The following TGM5 variants were observed in gnomAD, a reference collection of about 807,000 sequenced individuals.
TGM5 encodes the protein transglutaminase 5.
Under a neutral mutation model 77.2 loss-of-function variants are expected in TGM5, and 69 were observed. The ratio of observed to expected loss-of-function variants is 0.89; its 90% CI spans 0.74 to 1.09. The LOEUF is 1.09. Among genes scored for constraint, TGM5 ranks in the 50% least tolerant of loss-of-function variants. The probability of loss-of-function intolerance (pLI) is 0.00; values close to 1 mark genes in which losing one functional copy is unlikely to be tolerated. For synonymous variants in TGM5, 346 were observed against 351.8 expected, an observed-to-expected ratio of 0.98 and a Z score of 0.18; for missense variants, 842 against 896.5, an observed-to-expected ratio of 0.94 and a Z score of 0.78.
At chr15:43,259,675 T>C (rs1021508212) in intron 3 of TGM5, among the ~76,000 whole-genome samples, 11 of 152,178 alleles carry the variant, frequency 7.2e-5, no homozygotes, top group Admixed American at 1.3e-4. Flanking sequence ...TTTACACTTT[T>C]CTCTTTCTTT....
At chr15:43,241,157 C>A in intron 6 of TGM5, 167 bp from the exon 7 acceptor site, 2 of 886,982 alleles carry the variant, frequency 2.3e-6, no homozygotes, top group Non-Finnish European at 1.8e-6. Flanking sequence ...TCCTTCCCCA[C>A]TTCTGGAGCT....
At position 43,256,695 on chromosome 15, in the gene TGM5, C is replaced by A. The variant is rs753585732; in HGVS notation, c.437-9G>T. The A allele has an allele frequency of 6.3e-7, 1 of 1,591,328 alleles. No individual in the cohort carries two copies. The highest frequency in any genetic ancestry group is 1.1e-5 in the South Asian group (1 of 90,646). ...CAAGTAGACAGCATCCTCTAGGAAC[C>A]AGAGTGGGAGGGCACGAAGCAGAAA... On this transcript the variant is annotated splice_polypyrimidine_tract_variant and intron_variant, in intron 3 of 12. Coordinates refer to ENST00000220420, the MANE Select transcript of TGM5 (RefSeq NM_201631.4).
rs2042777956 is a variant in TGM5 at position 43,260,525 on chromosome 15, T to C, written c.65A>G (p.His22Arg). The change falls in exon 2 of 13, where the codon CAC (histidine) becomes CGC (arginine). Residue 22 changes from histidine to arginine, a missense_variant. This residue lies in a region of TGM5 where 815 missense variants were observed against 844.6 expected (regional missense o/e 0.96). Coordinates refer to ENST00000220420, the MANE Select transcript of TGM5 (RefSeq NM_201631.4). ...GTGGTCCACAGTGATCTCCTCCGTG[T>C]GGTGCCGCACATTATTTCTGGAGCT... ...LQSSRNNVRHHTEEITVDHLL... is the reference protein window; with the variant it reads ...LQSSRNNVRHRTEEITVDHLL... 6.2e-7 allele frequency: 1 copy of C among 1,614,030 alleles called. No homozygotes were observed. The highest frequency in any genetic ancestry group is 1.3e-5 in the African/African-American group (1 of 74,904).
chr15:43,252,757 A>G lies in TGM5; in HGVS notation c.862+2T>C. 3 of 1,613,588 alleles carry G rather than the reference A, an allele frequency of 1.9e-6. No homozygotes were observed. Among genetic ancestry groups the G allele is most frequent in the Non-Finnish European group, 2.5e-6 (3 of 1,180,004 alleles). The stretch of plus-strand genomic sequence containing the variant: ...TTTTGTGGGGTCCTTTCTACCTCCT[A>G]CCTGTGCACATGACGGCAGCAAAGA... On this transcript the variant is annotated splice_donor_variant, in intron 6 of 12. Coordinates refer to ENST00000220420, the MANE Select transcript of TGM5 (RefSeq NM_201631.4). LOFTEE classifies it high-confidence loss of function.
intron 6 of TGM5, among the ~76,000 whole-genome samples, chr15:43,245,880 G>T (rs2042666354): frequency 7.0e-6 from 1 of 142,602 alleles, no homozygotes; most frequent in Non-Finnish European, 1.5e-5. Flanking sequence ...ATTTGTAAGG[G>T]TTATCTGTGT....
rs1178473361 is a variant in TGM5 at position 43,239,234 on chromosome 15, G to A, written c.1034C>T (p.Ala345Val). 6.2e-7 allele frequency: 1 copy of A among 1,614,036 alleles called. No individual in the cohort carries two copies. Among genetic ancestry groups the A allele is most frequent in the East Asian group, 2.2e-5 (1 of 44,884 alleles). ...NFHVWNECWM[A>V]RKDLPPAYGG... The stretch of plus-strand genomic sequence containing the variant: ...ATATGCAGGGGGCAGATCCTTCCGG[G>A]CCATCCAGCACTCATTCCAGACATG... Residue 345 changes from alanine to valine, a missense_variant, in exon 8 of 13, where the codon GCC (alanine) becomes GTC (valine). Ala to Val is a moderately conservative substitution (Grantham distance 64, BLOSUM62 0). Transcript: ENST00000220420.
chr15:43,260,430 G>A lies in TGM5; in HGVS notation c.160C>T (p.Leu54=). ...TCAACCACGAAGATGATGTTGTCCA[G>A]GCCTGGCTGGAAGCTCCGGTTCCTG... is the stretch of plus-strand genomic sequence containing the variant. ...YFRNRSFQPG[L]DNIIFVVETG... The change falls in exon 2 of 13, where the codon CTG becomes TTG. Residue 54 remains leucine (L), a synonymous_variant. Transcript: ENST00000220420. The A allele has an allele frequency of 1.2e-6, 2 of 1,614,218 alleles. No individual in the cohort carries two copies. Among genetic ancestry groups the A allele is most frequent in the Non-Finnish European group, 1.7e-6 (2 of 1,180,042 alleles).
chr15:43,236,357 G>C (rs1253444082), intron 9 of TGM5, among the ~76,000 whole-genome samples: 1 of 152,188 alleles, frequency 6.6e-6, no homozygotes, highest in Non-Finnish European at 1.5e-5. Context: ...GAAACTAAGG[G>C]AAAGGAGAAG....
At chr15:43,241,472 TG>T (rs2042635701) in intron 6 of TGM5, among the ~76,000 whole-genome samples, 1 of 152,298 alleles carries the variant, frequency 6.6e-6, no homozygotes, top group Middle Eastern at 3.4e-3. Flanking sequence ...TATATGATCT[TG>T]GAAGCCTCTC....
At position 43,238,922 on chromosome 15, in the gene TGM5, G is replaced by T. The variant is rs1450025032; in HGVS notation, c.1240C>A (p.Gln414Lys). 3 of 1,614,094 alleles carry T rather than the reference G, an allele frequency of 1.9e-6. No homozygotes were observed. The highest frequency in any genetic ancestry group is 2.5e-6 in the Non-Finnish European group (3 of 1,180,054). Residue 414 changes from glutamine to lysine, a missense_variant, in exon 9 of 13, where the codon CAG (glutamine) becomes AAG (lysine). By Grantham distance (53) the Gln-to-Lys change is moderately conservative (BLOSUM62 1). This residue lies in a region of TGM5 where 815 missense variants were observed against 844.6 expected (regional missense o/e 0.96). Coordinates refer to ENST00000220420, the MANE Select transcript of TGM5 (RefSeq NM_201631.4). ...GAACTCGTGTCCTGGTGAAGCTTCT[G>T]CTCCTTCCCTCCCTGGACGAGCCAG... ...MSWLVQGGKEQKLHQDTSSVG... is the reference protein window; with the variant it reads ...MSWLVQGGKEKKLHQDTSSVG...
chr15:43,244,072 C>T (rs895392250), intron 6 of TGM5, among the ~76,000 whole-genome samples: 1 of 152,226 alleles, frequency 6.6e-6, no homozygotes, highest in African/African-American at 2.4e-5. Flanking sequence ...ATCCCAGCCA[C>T]ACCTCAGTCT....
chr15:43,237,324 C>T (rs1459167617), intron 9 of TGM5, among the ~76,000 whole-genome samples: 2 of 152,156 alleles, frequency 1.3e-5, no homozygotes, highest in Non-Finnish European at 2.9e-5. Flanking sequence ...TGGGGCAGGC[C>T]AGAAGTGCTA....
Position 43,250,153 on chromosome 15 carries a change from G to A in TGM5, c.862+2606C>T, listed in dbSNP as rs117613947. On this transcript the variant is annotated intron_variant, in intron 6 of 12. Coordinates refer to ENST00000220420, the MANE Select transcript of TGM5 (RefSeq NM_201631.4). ...TACAGAGCCAGCCAGACTTGGGTAT[G>A]AGACTGGCTCCACCACTCAATTTCC... 3.7e-3 allele frequency among the ~76,000 whole-genome samples: 565 copies of A among 152,298 alleles called. 15 individuals are homozygous for A. The East Asian group carries it at 0.069, about 19-fold the overall frequency.
At chr15:43,236,567 T>C (rs746017900) in intron 9 of TGM5, among the ~76,000 whole-genome samples, 2 of 152,194 alleles carry the variant, frequency 1.3e-5, no homozygotes, top group Non-Finnish European at 2.9e-5. Flanking sequence ...TCAATGCATT[T>C]GCCACAACTT....
Position 43,240,874 on chromosome 15 carries a change from T to G in TGM5, c.979A>C (p.Asn327His). The G allele has an allele frequency of 6.2e-7, 1 of 1,614,188 alleles. No homozygotes were observed. The highest frequency in any genetic ancestry group is 8.5e-7 in the Non-Finnish European group (1 of 1,180,036). The stretch of plus-strand genomic sequence containing the variant: ...CACCAGATAGTATCCTTCTTCTTAT[T>G]CCCCAAAATCCTGCCTGTGTTGTCA... ...YYDNTGRILG[N>H]KKKDTIWNFH... Residue 327 changes from asparagine to histidine, a missense_variant, in exon 7 of 13, where the codon AAT (asparagine) becomes CAT (histidine). Physicochemically the swap from Asn to His is moderately conservative, Grantham distance 68. This residue lies in a region of TGM5 where 815 missense variants were observed against 844.6 expected (regional missense o/e 0.96). Coordinates refer to ENST00000220420, the MANE Select transcript of TGM5 (RefSeq NM_201631.4).
At chr15:43,234,557 C>T (rs1489066640) in intron 11 of TGM5, among the ~76,000 whole-genome samples, 1 of 152,204 alleles carries the variant, frequency 6.6e-6, no homozygotes, top group African/African-American at 2.4e-5. Flanking sequence ...GTCCATGGCA[C>T]CTGCTCAAGG....
chr15:43,253,702 A>G, intron 4 of TGM5, 68 bp from the exon 5 acceptor site: 1 of 1,590,020 alleles, frequency 6.3e-7, no homozygotes, highest in Non-Finnish European at 8.6e-7. Context: ...AAAAGTAATG[A>G]CTTCCCCCCA....
At chr15:43,249,410 T>C (rs926498050) in intron 6 of TGM5, among the ~76,000 whole-genome samples, 11 of 152,316 alleles carry the variant, frequency 7.2e-5, no homozygotes, top group African/African-American at 2.6e-4. Context: ...CTCATTACAT[T>C]AGCAGTCACT....
intron 6 of TGM5, among the ~76,000 whole-genome samples, chr15:43,244,728 A>G (rs1367183232): frequency 6.6e-6 from 1 of 152,204 alleles, no homozygotes; most frequent in Non-Finnish European, 1.5e-5. Context: ...GAGGAATACA[A>G]TTTCACTTGA....
Sources: allele counts gnomAD v4.1 joint callset (sites outside exome capture counted in the v4.1 genomes callset), GRCh38; gene constraint gnomAD v4.1.1; regional missense constraint gnomAD v4.1.1; transcripts MANE v1.5; gene names NCBI Gene and HGNC (gene_info 2026-07-23, HGNC 2026-07-21).